SKA1: variants seen among roughly 807,000 people sequenced by gnomAD.
The protein encoded by SKA1 is SKA complex subunit 1.
Under a neutral mutation model 31.8 loss-of-function variants are expected in SKA1, and 20 were observed. The ratio of observed to expected loss-of-function variants is 0.63; its 90% confidence interval spans 0.44 to 0.91. The LOEUF (loss-of-function observed/expected upper bound fraction) is 0.91. SKA1 is among the 40% of genes least tolerant of loss of function. The pLI, the probability that SKA1 is intolerant of heterozygous loss-of-function variation, is 0.00. For synonymous variants in SKA1, 88 were observed against 100.5 expected, an observed-to-expected ratio of 0.88 and a Z score of 0.74; for missense variants, 253 against 298.2, an observed-to-expected ratio of 0.85 and a Z score of 1.12.
At chr18:50,387,230 TTTTAC>T (rs1208066153) in intron 5 of SKA1, among the ~76,000 whole-genome samples, 1 of 152,238 alleles carries the variant, frequency 6.6e-6, no homozygotes, top group East Asian at 1.9e-4. Flanking sequence ...TATCTAATTA[TTTTAC>T]TTTACAATTC....
intron 2 of SKA1, among the ~76,000 whole-genome samples, chr18:50,379,099 A>G (rs2041244342): frequency 6.6e-6 from 1 of 152,174 alleles, no homozygotes; most frequent in Non-Finnish European, 1.5e-5. Flanking sequence ...ACTTATGTGT[A>G]TGTCATTGTT....
intron 2 of SKA1, among the ~76,000 whole-genome samples, chr18:50,376,853 T>TACACAC (rs34658755): frequency 6.6e-6 from 1 of 150,626 alleles, no homozygotes; most frequent in East Asian, 2.0e-4. Flanking sequence ...CAAAAACGAA[T>TACACAC]ACACACACAC....
At chr18:50,388,188 C>T (rs1019164428) in intron 5 of SKA1, among the ~76,000 whole-genome samples, 5 of 152,120 alleles carry the variant, frequency 3.3e-5, no homozygotes, top group African/African-American at 9.7e-5. Flanking sequence ...CCCAGGTTCA[C>T]GCCATTCTCC....
Position 50,392,449 on chromosome 18 carries a change from G to T in SKA1, c.*202G>T, listed in dbSNP as rs1365049748. ...AGTGGCGCAAACATGGCTCACTGCA[G>T]CCTCAACCTCCCAGGCTCAAGTGAT... On this transcript the variant is annotated 3_prime_UTR_variant, in exon 7 of 7. Coordinates refer to ENST00000285116, the MANE Select transcript of SKA1 (RefSeq NM_145060.4). 9.4e-6 allele frequency: 3 copies of T among 318,676 alleles called. No homozygotes were observed. The highest frequency in any genetic ancestry group is 1.6e-5 in the Non-Finnish European group (3 of 181,920). The allele number at this position is 318,676 out of a possible 1,614,324, so 19.7% of individuals were successfully genotyped here. A position where few individuals can be genotyped will look rare whatever the true frequency, so the allele number is the denominator to read the frequency against.
chr18:50,378,854 T>C (rs528408969), intron 2 of SKA1, among the ~76,000 whole-genome samples: 15 of 151,586 alleles, frequency 9.9e-5, no homozygotes, highest in African/African-American at 3.2e-4. Flanking sequence ...GAGCTGAGTG[T>C]CAAATGCAAG....
intron 2 of SKA1, among the ~76,000 whole-genome samples, chr18:50,376,462 A>G (rs982459618): frequency 1.3e-5 from 2 of 152,354 alleles, no homozygotes; most frequent in African/African-American, 4.8e-5. Context: ...GTATCTAAAC[A>G]TAGAAAAGAT....
rs891536126 is a variant in SKA1 at position 50,392,416 on chromosome 18, T to C, written c.*169T>C. On this transcript the variant is annotated 3_prime_UTR_variant, in exon 7 of 7. Transcript: ENST00000285116. ...CAGGGGCTTGCTTTGTCACGCAGGC[T>C]AGAGTGCAGTGGCGCAAACATGGCT... is the stretch of plus-strand genomic sequence containing the variant. The C allele has an allele frequency of 2.3e-5, 9 of 393,610 alleles. No homozygotes were observed. Among genetic ancestry groups the C allele is most frequent in the Non-Finnish European group, 3.4e-5 (8 of 238,276 alleles). The allele number at this position is 393,610 out of a possible 1,614,324, so 24.4% of individuals were successfully genotyped here.
At chr18:50,381,574 C>A (rs2041262489) in intron 3 of SKA1, among the ~76,000 whole-genome samples, 1 of 152,038 alleles carries the variant, frequency 6.6e-6, no homozygotes, top group South Asian at 2.1e-4. Flanking sequence ...TTTGTAATTG[C>A]AATGTGATTA....
Position 50,392,272 on chromosome 18 carries a change from C to T in SKA1, c.*25C>T, listed in dbSNP as rs772718874. The T allele has an allele frequency of 1.1e-5, 16 of 1,482,146 alleles. No individual in the cohort carries two copies. Among genetic ancestry groups the T allele is most frequent in the Non-Finnish European group, 9.0e-7 (1 of 1,113,746 alleles). The allele number at this position is 1,482,146 out of a possible 1,614,324, so 91.8% of individuals were successfully genotyped here. A position where few individuals can be genotyped will look rare whatever the true frequency, so the allele number is the denominator to read the frequency against. ...AGTCCCTTGTGAACTTTTGAACATA[C>T]CAACAGGGTATAGAGTATAGAGGCT... On this transcript the variant is annotated 3_prime_UTR_variant, in exon 7 of 7. Coordinates refer to ENST00000285116, the MANE Select transcript of SKA1 (RefSeq NM_145060.4).
At chr18:50,382,854 G>A (rs1041782709) in intron 4 of SKA1, among the ~76,000 whole-genome samples, 21 of 152,124 alleles carry the variant, frequency 1.4e-4, no homozygotes, top group Non-Finnish European at 2.8e-4. Flanking sequence ...GCAACATGGT[G>A]AAACCCCATC....
At position 50,380,209 on chromosome 18, in the gene SKA1, T is replaced by G. The variant is rs779004202; in HGVS notation, c.172T>G (p.Leu58Val). 6.4e-6 allele frequency: 10 copies of G among 1,551,114 alleles called. No homozygotes were observed. The East Asian group carries it at 2.5e-4, about 38-fold the overall frequency. The change falls in exon 3 of 7, where the codon TTG (leucine) becomes GTG (valine). Residue 58 changes from leucine (L) to valine (V), a missense_variant. By Grantham distance (32) the Leu-to-Val change is conservative. Coordinates refer to ENST00000285116, the MANE Select transcript of SKA1 (RefSeq NM_145060.4). ...VINELLNKLELEIQYQEQTNN... is the reference protein window; with the variant it reads ...VINELLNKLEVEIQYQEQTNN... ...AAATGAACTTCTAAATAAATTGGAA[T>G]TGGAAATTCAGTATCAAGAACAAAC...
chr18:50,386,655 C>G (rs1279601682), intron 5 of SKA1, among the ~76,000 whole-genome samples: 1 of 152,120 alleles, frequency 6.6e-6, no homozygotes, highest in Non-Finnish European at 1.5e-5. Flanking sequence ...ATGTGTCTAC[C>G]ATTACGGTAT....
At chr18:50,392,026 C>A in intron 6 of SKA1, 73 bp from the exon 7 acceptor site, 1 of 1,190,992 alleles carries the variant, frequency 8.4e-7, no homozygotes, top group Non-Finnish European at 1.1e-6. Context: ...CATTCATATT[C>A]ACAACTTAAT....
At position 50,391,106 on chromosome 18, in the gene SKA1, C is replaced by A; in HGVS notation, c.450-18C>A. The A allele has an allele frequency of 6.9e-7, 1 of 1,444,350 alleles. No homozygotes were observed. Among genetic ancestry groups the A allele is most frequent in the Non-Finnish European group, 9.3e-7 (1 of 1,075,754 alleles). The allele number at this position is 1,444,350 out of a possible 1,614,324, so 89.5% of individuals were successfully genotyped here. On this transcript the variant is annotated intron_variant, in intron 5 of 6. Coordinates refer to ENST00000285116, the MANE Select transcript of SKA1 (RefSeq NM_145060.4). ...GATGATTCTTTAAAACAATAATTAG[C>A]CATATACTTTTTTACAGGTACATGA...
Position 50,385,273 on chromosome 18 carries a change from C to T in SKA1, c.369C>T (p.Pro123=), listed in dbSNP as rs377626531. ...EEPIKVEEPE[P]VKKPPKEQRS... is the part of the protein sequence containing the mutation. ...CAATCAAAGTTGAAGAACCTGAACC[C>T]GTAAAGAAGCCTCCCAAAGAGCAAA... The change falls in exon 5 of 7, where the codon CCC becomes CCT. Residue 123 remains proline (P), a synonymous_variant. Coordinates refer to ENST00000285116, the MANE Select transcript of SKA1 (RefSeq NM_145060.4). 14 of 1,613,370 alleles carry T rather than the reference C, an allele frequency of 8.7e-6. No individual in the cohort carries two copies. The highest frequency in any genetic ancestry group is 2.2e-5 in the South Asian group (2 of 91,032).
intron 5 of SKA1, among the ~76,000 whole-genome samples, chr18:50,389,343 G>A (rs1359308508): frequency 2.0e-5 from 3 of 150,176 alleles, no homozygotes; most frequent in Non-Finnish European, 4.4e-5. Context: ...TTCTGGGGGG[G>A]AGAGGGTCAT....
chr18:50,375,785 T>C, intron 1 of SKA1, 35 bp from the exon 2 acceptor site: 1 of 1,355,280 alleles, frequency 7.4e-7, no homozygotes, highest in Admixed American at 2.2e-5. Flanking sequence ...GTGTGGCTTT[T>C]CTTGTTACGA....
chr18:50,381,078 G>A (rs7229825), intron 3 of SKA1, among the ~76,000 whole-genome samples: 104,321 of 152,116 alleles, frequency 0.69, 35,938 homozygotes, highest in East Asian at 0.81. Flanking sequence ...ATTCAAAACA[G>A]AAACCAATAC....
At chr18:50,385,182 A>T in intron 4 of SKA1, 34 bp from the exon 5 acceptor site, 1 of 1,526,776 alleles carries the variant, frequency 6.5e-7, no homozygotes, top group Non-Finnish European at 8.8e-7. Context: ...ATTTCTGAAA[A>T]TTGCCTGTAT....
Sources: gnomAD v4.1 joint callset for allele counts (sites outside exome capture counted in the v4.1 genomes callset) on GRCh38, gnomAD v4.1.1 for gene constraint, MANE v1.5 for transcripts, NCBI Gene and HGNC (gene_info 2026-07-23, HGNC 2026-07-21) for gene names.